Variants in GRAMD1A observed in about 807,000 individuals in gnomAD.
GRAMD1A encodes protein Aster-A.
In GRAMD1A, 50 loss-of-function variants were observed where a neutral mutation model predicts 92.0. That is an observed-to-expected ratio of 0.54 (90% confidence interval 0.43 to 0.69). The LOEUF (loss-of-function observed/expected upper bound fraction) is 0.69. Among genes scored for constraint, GRAMD1A ranks in the 30% least tolerant of loss-of-function variants. The probability of loss-of-function intolerance (pLI) is 0.00; values close to 1 mark genes in which losing one functional copy is unlikely to be tolerated. For missense variants in GRAMD1A, 819 were observed against 978.9 expected, an observed-to-expected ratio of 0.84 and a Z score of 2.18; for synonymous variants, 405 against 403.6, an observed-to-expected ratio of 1.00 and a Z score of -0.04.
intron 3 of GRAMD1A, 75 bp from the exon 4 acceptor site, chr19:35,009,813 G>A: frequency 1.1e-6 from 1 of 878,902 alleles, no homozygotes; most frequent in Non-Finnish European, 2.0e-6. Context: ...AGACTGAGGG[G>A]GTTCCAGGAG....
In GRAMD1A at chr19:35,013,349, T is replaced by G. The variant is rs1479883599; in HGVS notation, c.700T>G (p.Leu234Val). Residue 234 changes from leucine (L) to valine (V), a missense_variant, in exon 8 of 20, where the codon TTG (leucine) becomes GTG (valine). Transcript: ENST00000317991. This position sits in a 1 kb window ranked among gnomAD's most constrained non-coding sequence, Gnocchi z 4.9. The part of the protein sequence containing the change: ...TSEDEDYVSP[L>V]QLNGLGTPKE... Reference sequence around the variant, plus strand: ...TGAGGATGAGGACTATGTCTCCCCCTTGCAGCTGAACGGTCTGGGGTGAGT... The same window carrying G: ...TGAGGATGAGGACTATGTCTCCCCCGTGCAGCTGAACGGTCTGGGGTGAGT... 6.4e-7 allele frequency: 1 copy of G among 1,554,274 alleles called. No homozygotes were observed. Among genetic ancestry groups the G allele is most frequent in the Non-Finnish European group, 8.7e-7 (1 of 1,146,498 alleles).
chr19:34,997,991 C>T (rs549103277), upstream of GRAMD1A, among the ~76,000 whole-genome samples: 1 of 150,034 alleles, frequency 6.7e-6, no homozygotes, highest in Non-Finnish European at 1.5e-5. Flanking sequence ...TCGCTTGAAC[C>T]GAGGAGGTGG....
At chr19:34,997,714 G>T (rs1287091694), upstream of GRAMD1A, among the ~76,000 whole-genome samples, 1 of 152,134 alleles carries the variant, frequency 6.6e-6, no homozygotes, top group Non-Finnish European at 1.5e-5. Flanking sequence ...TTTTTAAAAA[G>T]ATACTGGATA....
upstream of GRAMD1A, among the ~76,000 whole-genome samples, chr19:34,995,613 G>A (rs1442071241): frequency 2.4e-5 from 3 of 124,338 alleles, no homozygotes; most frequent in Non-Finnish European, 3.2e-5. Context: ...ACAGGGTCTC[G>A]CTCTGTTGCC....
intron 1 of GRAMD1A, chr19:35,002,544 G>GCA (rs1448360743): frequency 6.6e-6 from 1 of 152,326 alleles, no homozygotes; most frequent in Non-Finnish European, 1.5e-5. Flanking sequence ...GGGATTACAG[G>GCA]TGCGTGCCAC....
intron 17 of GRAMD1A, 76 bp downstream of exon 17, chr19:35,022,987 T>G: frequency 1.0e-6 from 1 of 988,434 alleles, no homozygotes; most frequent in Non-Finnish European, 1.4e-6. Flanking sequence ...CCCCACCCCA[T>G]GCCCCCCAGC....
rs373469052 is a variant in GRAMD1A at position 35,021,759 on chromosome 19, T to G, written c.1648T>G (p.Ser550Ala). Residue 550 changes from serine to alanine, a missense_variant, in exon 15 of 20, where the codon TCC (serine) becomes GCC (alanine). Ser to Ala is a moderately conservative substitution (Grantham distance 99). Transcript: ENST00000317991. The surrounding 1 kb of genome is among the most constrained non-coding windows in gnomAD (Gnocchi z 5.3). The stretch of plus-strand genomic sequence containing the variant: ...CGGGAAGGATGCCCGGGGCTTGCTA[T>G]CCGGCCTGCGGCGGCGGAAGCGGCC... ...EGGKDARGLL[S>A]GLRRRKRPLS... The G allele has an allele frequency of 6.7e-5, 108 of 1,613,478 alleles. No homozygotes were observed. Among genetic ancestry groups the G allele is most frequent in the Non-Finnish European group, 9.1e-5 (107 of 1,179,900 alleles).
At chr19:35,010,545 A>G (rs1600296105) in intron 6 of GRAMD1A, 166 bp downstream of exon 6, 2 of 611,226 alleles carry the variant, frequency 3.3e-6, no homozygotes, top group African/African-American at 1.8e-5. Flanking sequence ...TGATCCCCGC[A>G]CCAGCCTCTC....
rs541225997 is a variant in GRAMD1A at position 35,021,981 on chromosome 19, C to G, written c.1784C>G (p.Ser595Cys). The G allele has an allele frequency of 1.2e-6, 2 of 1,614,154 alleles. No homozygotes were observed. Among genetic ancestry groups the G allele is most frequent in the South Asian group, 1.1e-5 (1 of 91,068 alleles). ...CTCAGCTCCCGCTTCTCCGAACCAT[C>G]TGTGGACCAGGGCCCCGGGGCAGGC... ...GSLSSRFSEP[S>C]VDQGPGAGIP... The change falls in exon 16 of 20, where the codon TCT becomes TGT. Residue 595 changes from serine to cysteine, a missense_variant. Physicochemically the swap from Ser to Cys is moderately radical, Grantham distance 112. Transcript: ENST00000317991. The surrounding 1 kb of genome is among the most constrained non-coding windows in gnomAD (Gnocchi z 5.3).
chr19:34,995,571 G>GTTTTTT (rs59556577), upstream of GRAMD1A, among the ~76,000 whole-genome samples: 2 of 93,650 alleles, frequency 2.1e-5, no homozygotes, highest in African/African-American at 3.6e-5. Context: ...CAGATCACGG[G>GTTTTTT]TTTTTTTTTT....
At chr19:35,005,331 A>G (rs145921598) in intron 1 of GRAMD1A, among the ~76,000 whole-genome samples, 1,550 of 151,090 alleles carry the variant, frequency 0.01, 35 homozygotes, top group African/African-American at 0.036. Flanking sequence ...GGGGGTGTTA[A>G]ATAGGGAGGT....
At chr19:35,011,429 G>A (rs372829282) in intron 6 of GRAMD1A, 45 bp from the exon 7 acceptor site, 41 of 1,453,434 alleles carry the variant, frequency 2.8e-5, no homozygotes, top group Non-Finnish European at 3.8e-5. Context: ...TGTCCTGGTC[G>A]CTCCCCAACC....
chr19:35,013,030 A>T lies in GRAMD1A; in HGVS notation c.607-226A>T, dbSNP rs1013523301. 2.2e-5 allele frequency: 12 copies of T among 548,442 alleles called. No homozygotes were observed. In the Admixed American group the frequency reaches 3.3e-4, roughly 15 times the overall value. The allele number at this position is 548,442 out of a possible 1,614,324, so 34.0% of individuals were successfully genotyped here. A position where few individuals can be genotyped will look rare whatever the true frequency, so the allele number is the denominator to read the frequency against. ...AATGGGAACATTCTCTGGCCAGAGT[A>T]TTGTGGGGACTTGGGAAGCAGGAAG... On this transcript the variant is annotated intron_variant, in intron 7 of 19. Coordinates refer to ENST00000317991, the MANE Select transcript of GRAMD1A (RefSeq NM_020895.5). This position sits in a 1 kb window ranked among gnomAD's most constrained non-coding sequence, Gnocchi z 4.9.
chr19:35,021,400 G>A lies in GRAMD1A; in HGVS notation c.1476-102G>A. 1.2e-6 allele frequency: 1 copy of A among 823,208 alleles called. No individual in the cohort carries two copies. Among genetic ancestry groups the A allele is most frequent in the Non-Finnish European group, 2.1e-6 (1 of 478,912 alleles). 51.0% of individuals were successfully genotyped at this position (823,208 alleles called of 1,614,324 possible). A position where few individuals can be genotyped will look rare whatever the true frequency, so the allele number is the denominator to read the frequency against. ...CTGTTTTGTCTGTGAGTGACAAGGG[G>A]CCCTCTCTGAATTAGGGGAAGGAAA... On this transcript the variant is annotated intron_variant, in intron 13 of 19. Coordinates refer to ENST00000317991, the MANE Select transcript of GRAMD1A (RefSeq NM_020895.5). This position sits in a 1 kb window ranked among gnomAD's most constrained non-coding sequence, Gnocchi z 5.3.
At position 35,024,063 on chromosome 19, in the gene GRAMD1A, G is replaced by A. The variant is rs545994726; in HGVS notation, c.2082+516G>A. ...AGGGGAGAGACTCTCCAAAGGACCT[G>A]AGGTCTCATCTCCAAAACGGAGTGG... On this transcript the variant is annotated intron_variant, in intron 19 of 19. Transcript: ENST00000317991. 5.3e-5 allele frequency among the ~76,000 whole-genome samples: 8 copies of A among 152,360 alleles called. No homozygotes were observed. The South Asian group carries it at 1.7e-3, about 32-fold the overall frequency.
rs2014803704 is a variant in GRAMD1A at position 35,006,225 on chromosome 19, G to A, written c.9-2894G>A. The stretch of plus-strand genomic sequence containing the variant: ...TAATCCCAGCTACTGCGGAGGCTGA[G>A]GCAGGAGAATCACTTGAACCTGGGA... On this transcript the variant is annotated intron_variant, in intron 1 of 19. Coordinates refer to ENST00000317991, the MANE Select transcript of GRAMD1A (RefSeq NM_020895.5). Among the ~76,000 whole-genome samples the A allele has an allele frequency of 6.6e-5, 10 of 152,318 alleles. No homozygotes were observed. The South Asian group carries it at 2.1e-3, about 32-fold the overall frequency.
At position 35,009,895 on chromosome 19, in the gene GRAMD1A, G is replaced by T. The variant is rs1243911788; in HGVS notation, c.248G>T (p.Ser83Ile). 1 of 1,606,134 alleles carries T rather than the reference G, an allele frequency of 6.2e-7. No individual in the cohort carries two copies. The highest frequency in any genetic ancestry group is 1.7e-5 in the Admixed American group (1 of 60,016). Residue 83 changes from serine to isoleucine, a missense_variant, in exon 4 of 20, where the codon AGC (serine) becomes ATC (isoleucine). Physicochemically the swap from Ser to Ile is moderately radical, Grantham distance 142. Coordinates refer to ENST00000317991, the MANE Select transcript of GRAMD1A (RefSeq NM_020895.5). The part of the protein sequence containing the change: ...KKMQSWYSML[S>I]PTYKQRNEDF... Reference sequence around the variant, plus strand: ...CCTCTCAAACTTCCTCAGATGCTGAGCCCCACTTATAAGCAGCGTAATGAG... The same window carrying T: ...CCTCTCAAACTTCCTCAGATGCTGATCCCCACTTATAAGCAGCGTAATGAG...
intron 11 of GRAMD1A, among the ~76,000 whole-genome samples, chr19:35,016,605 G>T (rs2015648213): frequency 1.2e-5 from 1 of 81,112 alleles, no homozygotes; most frequent in African/African-American, 5.0e-5. Context: ...AAAAAACAGG[G>T]GCGGGGGGTG....
In GRAMD1A at chr19:35,009,926, C is replaced by G. The variant is rs371499583; in HGVS notation, c.279C>G (p.Phe93Leu). 1 of 1,613,118 alleles carries G rather than the reference C, an allele frequency of 6.2e-7. No homozygotes were observed. Among genetic ancestry groups the G allele is most frequent in the East Asian group, 2.2e-5 (1 of 44,888 alleles). The change falls in exon 4 of 20, where the codon TTC becomes TTG. Residue 93 changes from phenylalanine to leucine, a missense_variant. Phe to Leu is a conservative substitution (Grantham distance 22, BLOSUM62 0). Coordinates refer to ENST00000317991, the MANE Select transcript of GRAMD1A (RefSeq NM_020895.5). ...SPTYKQRNED[F>L]RKLFSKLPEA... ...CTTATAAGCAGCGTAATGAGGACTT[C>G]CGGAAACTGTTCAGCAAACTCCCCG...
Sources: gnomAD v4.1 joint callset for allele counts (sites outside exome capture counted in the v4.1 genomes callset) on GRCh38, gnomAD v4.1.1 for gene constraint, Gnocchi (gnomAD v3.1) non-coding constraint, MANE v1.5 for transcripts, NCBI Gene and HGNC (gene_info 2026-07-23, HGNC 2026-07-21) for gene names.